The following TUFT1 variants were observed in gnomAD, a reference collection of about 807,000 sequenced individuals.
TUFT1 encodes the protein tuftelin 1.
A neutral mutation model predicts 57.8 loss-of-function variants in TUFT1; 43 were observed. That is an observed-to-expected ratio of 0.74 (90% CI 0.58 to 0.96). The LOEUF is 0.96. Ranked by LOEUF, TUFT1 falls within the 40% of genes least tolerant of loss-of-function variation. The pLI is 0.00. For synonymous variants in TUFT1, 166 were observed against 176.7 expected (o/e 0.94, Z 0.48); for missense variants, 459 against 489.0 (o/e 0.94, Z 0.58).
At position 151,558,781 on chromosome 1, in the gene TUFT1, CT is replaced by C. The variant is rs56003478; in HGVS notation, c.61-3295del. On this transcript the variant is annotated intron_variant, in intron 1 of 12. Coordinates refer to ENST00000368849, the MANE Select transcript of TUFT1 (RefSeq NM_020127.3). ...TAGAACACTATGGGGAGATAGTGTC[CT>C]TTTTTTTTTTTTTTCTTTTTGAGAC... is the stretch of plus-strand genomic sequence containing the variant. Among the ~76,000 whole-genome samples, 596 of 141,950 alleles carry C rather than the reference CT, an allele frequency of 4.2e-3. 2 individuals carry two copies. Among genetic ancestry groups the C allele is most frequent in the African/African-American group, 8.6e-3 (333 of 38,572 alleles). 93.1% of individuals were successfully genotyped at this position (141,950 alleles called of 152,430 possible).
chr1:151,560,169 G>A (rs952778153), intron 1 of TUFT1, among the ~76,000 whole-genome samples: 4 of 150,584 alleles, frequency 2.7e-5, no homozygotes, highest in African/African-American at 9.7e-5. Context: ...TGTAATCCCA[G>A]CGCTTTGGGA....
At chr1:151,564,709 A>G in intron 5 of TUFT1, 95 bp downstream of exon 5, 2 of 1,024,488 alleles carry the variant, frequency 2.0e-6, no homozygotes, top group Non-Finnish European at 3.0e-6. Context: ...TGCTAAATCT[A>G]GCATCCCTGC....
In TUFT1 at chr1:151,540,615, C is replaced by T. The variant is rs1665131101; in HGVS notation, c.60+189C>T. ...CAGTGGGAGTCGCGGGGTGAAGACT[C>T]CTTTGAGGCTGGAGGGTTCGGGGCG... On this transcript the variant is annotated intron_variant, in intron 1 of 12. Transcript: ENST00000368849. The T allele has an allele frequency of 2.0e-5, 13 of 641,214 alleles. No homozygotes were observed. In the South Asian group the frequency reaches 2.1e-4, roughly 10 times the overall value. 39.7% of individuals were successfully genotyped at this position (641,214 alleles called of 1,614,324 possible).
rs193180346 is a variant in TUFT1, at chr1:151,554,740, G to A, written c.61-7351G>A. Among the ~76,000 whole-genome samples the A allele has an allele frequency of 5.4e-3, 583 of 107,296 alleles. 2 individuals carry two copies. Among genetic ancestry groups the A allele is most frequent in the African/African-American group, 0.02 (538 of 27,414 alleles). The allele number at this position is 107,296 out of a possible 152,430, so 70.4% of individuals were successfully genotyped here. On this transcript the variant is annotated intron_variant, in intron 1 of 12. Transcript: ENST00000368849. ...TTTTTTTGAGACAGAGTCTCACTCC[G>A]TTGCCCAGACTGGAGTGCAATAGCA...
chr1:151,581,450 A>G (rs945585597), intron 12 of TUFT1, among the ~76,000 whole-genome samples, 194 bp from the exon 13 acceptor site: 4 of 152,040 alleles, frequency 2.6e-5, no homozygotes, highest in African/African-American at 7.2e-5. Context: ...TACAAGACAC[A>G]TGTATCATGC....
At position 151,554,695 on chromosome 1, in the gene TUFT1, CTTTTTTTTTTTTT is replaced by C. The variant is rs771656418; in HGVS notation, c.61-7382_61-7370del. ...ACTGTGAACCACTGTGCCCGGCCCC[CTTTTTTTTTTTTT>C]TTTTTTTTTTTTTGAGACAGAGTCT... On this transcript the variant is annotated intron_variant, in intron 1 of 12. Transcript: ENST00000368849. Among the ~76,000 whole-genome samples, 9 of 85,678 alleles carry C rather than the reference CTTTTTTTTTTTTT, an allele frequency of 1.1e-4. No individual in the cohort carries two copies. In the East Asian group the frequency reaches 1.5e-3, roughly 15 times the overall value. The allele number at this position is 85,678 out of a possible 152,430, so 56.2% of individuals were successfully genotyped here.
chr1:151,581,876 G>C lies in TUFT1; in HGVS notation c.*169G>C, dbSNP rs370396908. 71 of 682,516 alleles carry C rather than the reference G, an allele frequency of 1.0e-4. 1 individual carries two copies. The highest frequency in any genetic ancestry group is 7.3e-4 in the East Asian group (27 of 36,902). The allele number at this position is 682,516 out of a possible 1,614,324, so 42.3% of individuals were successfully genotyped here. ...CCAAGCCCCTGGCCACTCTAAGCTG[G>C]GCAGACGGAGCACGAGCACCTATTC... On this transcript the variant is annotated 3_prime_UTR_variant, in exon 13 of 13. Coordinates refer to ENST00000368849, the MANE Select transcript of TUFT1 (RefSeq NM_020127.3).
intron 12 of TUFT1, 54 bp downstream of exon 12, chr1:151,581,096 A>C: frequency 1.3e-6 from 2 of 1,512,748 alleles, no homozygotes; most frequent in Non-Finnish European, 1.8e-6. Context: ...AGAAGGAGGG[A>C]CAGAGCTCTG....
At chr1:151,560,995 T>TGTGA (rs1224935205) in intron 1 of TUFT1, among the ~76,000 whole-genome samples, 10 of 143,798 alleles carry the variant, frequency 7.0e-5, no homozygotes, top group African/African-American at 2.5e-4. Context: ...TGTGTGTGTG[T>TGTGA]GTGTGTGTGA....
chr1:151,572,550 G>C (rs531522995), intron 7 of TUFT1, among the ~76,000 whole-genome samples: 1 of 152,210 alleles, frequency 6.6e-6, no homozygotes, highest in East Asian at 1.9e-4. Context: ...TTAAGTTCCT[G>C]CCTATGGGGA....
intron 1 of TUFT1, among the ~76,000 whole-genome samples, chr1:151,560,348 G>A (rs1471647817): frequency 1.3e-5 from 2 of 151,872 alleles, no homozygotes; most frequent in Non-Finnish European, 2.9e-5. Context: ...CCCAGGAGAC[G>A]GAGGCTGCAG....
chr1:151,546,358 T>C (rs558754127), intron 1 of TUFT1, among the ~76,000 whole-genome samples: 33 of 152,354 alleles, frequency 2.2e-4, no homozygotes, highest in African/African-American at 7.9e-4. Context: ...CTTCATATAA[T>C]TTTTTATGAA....
chr1:151,574,516 C>T lies in TUFT1; in HGVS notation c.723+118C>T, dbSNP rs540662976. 1.2e-4 allele frequency: 156 copies of T among 1,348,040 alleles called. 3 individuals are homozygous for T. The South Asian group carries it at 1.8e-3, about 15-fold the overall frequency. The allele number at this position is 1,348,040 out of a possible 1,614,324, so 83.5% of individuals were successfully genotyped here. A position where few individuals can be genotyped will look rare whatever the true frequency, so the allele number is the denominator to read the frequency against. The stretch of plus-strand genomic sequence containing the variant: ...CAAGCCTCTCCAGAAAAGCACACTT[C>T]GCACCTTCCTTTGGCAGATCCCTTG... On this transcript the variant is annotated intron_variant, in intron 8 of 12. Coordinates refer to ENST00000368849, the MANE Select transcript of TUFT1 (RefSeq NM_020127.3).
At chr1:151,580,085 T>C (rs1172509618) in intron 11 of TUFT1, among the ~76,000 whole-genome samples, 2 of 152,154 alleles carry the variant, frequency 1.3e-5, no homozygotes, top group African/African-American at 4.8e-5. Context: ...TTCATACAGA[T>C]GGAGCCTTTT....
At chr1:151,558,888 G>A (rs376294947) in intron 1 of TUFT1, among the ~76,000 whole-genome samples, 8 of 151,682 alleles carry the variant, frequency 5.3e-5, no homozygotes, top group East Asian at 3.9e-4. Context: ...AGGTTCAAGC[G>A]ATTCTCCTGC....
At chr1:151,574,649 G>A (rs1483423571) in intron 8 of TUFT1, among the ~76,000 whole-genome samples, 1 of 152,202 alleles carries the variant, frequency 6.6e-6, no homozygotes, top group Non-Finnish European at 1.5e-5. Flanking sequence ...GGTTTCTCAG[G>A]GACTGGCAGC....
intron 10 of TUFT1, 22 bp from the exon 11 acceptor site, chr1:151,579,627 A>C (rs756680826): frequency 8.1e-6 from 13 of 1,613,220 alleles, no homozygotes; most frequent in Non-Finnish European, 1.1e-5. Flanking sequence ...AATGAGCTCC[A>C]GTGTCTCCCA....
At chr1:151,561,887 G>C in intron 1 of TUFT1, 1 of 1,520,594 alleles carries the variant, frequency 6.6e-7, no homozygotes, top group Non-Finnish European at 8.8e-7. Context: ...AAAAACTGTT[G>C]GGTGGTCCCA....
chr1:151,577,421 A>C (rs1475590691), intron 9 of TUFT1, among the ~76,000 whole-genome samples: 1 of 152,168 alleles, frequency 6.6e-6, no homozygotes, highest in East Asian at 1.9e-4. Flanking sequence ...CATCATTAGC[A>C]TACAAAAAGA....
Sources: gnomAD v4.1 joint callset for allele counts (sites outside exome capture counted in the v4.1 genomes callset) on GRCh38, gnomAD v4.1.1 for gene constraint, MANE v1.5 for transcripts, NCBI Gene and HGNC (gene_info 2026-07-23, HGNC 2026-07-21) for gene names.